Variants in SND1 observed in about 807,000 individuals in gnomAD.
SND1 encodes the protein staphylococcal nuclease and tudor domain containing 1.
Under a neutral mutation model 121.7 loss-of-function variants are expected in SND1, and 38 were observed. That is an observed-to-expected ratio of 0.31 (90% CI 0.24 to 0.41). SND1 has a LOEUF of 0.41. Among genes scored for constraint, SND1 ranks in the 10% least tolerant of loss-of-function variants. SND1 has a pLI of 1.00. For synonymous variants in SND1, 401 were observed against 447.4 expected (o/e 0.90, Z 1.31); for missense variants, 868 against 1,184.6 (o/e 0.73, Z 3.92).
At chr7:127,858,530 C>CAG (rs2116677504) in intron 12 of SND1, 1 of 473,528 alleles carries the variant, frequency 2.1e-6, no homozygotes, top group South Asian at 2.3e-5. Flanking sequence ...TTATGCAGTG[C>CAG]AGATCTAAAG....
chr7:127,732,877 G>T (rs1051254006), intron 10 of SND1, among the ~76,000 whole-genome samples: 1 of 152,212 alleles, frequency 6.6e-6, no homozygotes, highest in Admixed American at 6.5e-5. Context: ...GTATGGCACA[G>T]TGTTCTTCAT....
At position 127,959,908 on chromosome 7, in the gene SND1, TG is replaced by T. The variant is rs371066455; in HGVS notation, c.1669+30580del. 1.1e-3 allele frequency among the ~76,000 whole-genome samples: 160 copies of T among 152,336 alleles called. 2 individuals are homozygous for T. In the Middle Eastern group the frequency reaches 0.02, roughly 19 times the overall value. ...TATTCCCCTATGATATGGAAATCTA[TG>T]TTGTATCAGTTTTCATTTCACTCAT... On this transcript the variant is annotated intron_variant, in intron 15 of 23. Transcript: ENST00000354725.
intron 15 of SND1, among the ~76,000 whole-genome samples, chr7:127,990,279 A>G (rs1802491123): frequency 6.6e-6 from 1 of 152,198 alleles, no homozygotes; most frequent in South Asian, 2.1e-4. Flanking sequence ...CACACAGCTA[A>G]TAAGTGATAG....
At chr7:127,790,845 T>C (rs1797894678) in intron 10 of SND1, among the ~76,000 whole-genome samples, 1 of 152,276 alleles carries the variant, frequency 6.6e-6, no homozygotes, top group South Asian at 2.1e-4. Context: ...ACAAAATATT[T>C]CACACTGCTG....
intron 16 of SND1, chr7:128,028,480 T>G: frequency 8.0e-6 from 4 of 502,376 alleles, no homozygotes; most frequent in Non-Finnish European, 1.0e-5. Flanking sequence ...CCCACCCCCT[T>G]TAAATAGAAC....
At chr7:127,705,902 A>G (rs866085567) in intron 8 of SND1, among the ~76,000 whole-genome samples, 22 of 152,296 alleles carry the variant, frequency 1.4e-4, no homozygotes, top group Middle Eastern at 6.8e-3. Flanking sequence ...GTGAATGAAT[A>G]ACTATAGTAT....
intron 16 of SND1, among the ~76,000 whole-genome samples, chr7:128,041,638 A>G (rs996926008): frequency 6.6e-6 from 1 of 152,184 alleles, no homozygotes; most frequent in African/African-American, 2.4e-5. Context: ...AAAGGATGAG[A>G]ATGTCCCCAG....
Position 127,703,148 on chromosome 7 carries a change from C to T in SND1, c.682-17C>T, listed in dbSNP as rs1328860428. On this transcript the variant is annotated splice_polypyrimidine_tract_variant and intron_variant, in intron 6 of 23. Transcript: ENST00000354725. ...ACATTTAGGCTGCATTACTCACCTA[C>T]CTTGCCTTTGCTTTAGTGCCCAACT... The T allele has an allele frequency of 1.9e-5, 31 of 1,613,992 alleles. No homozygotes were observed. Among genetic ancestry groups the T allele is most frequent in the Non-Finnish European group, 2.6e-5 (31 of 1,179,900 alleles).
intron 16 of SND1, among the ~76,000 whole-genome samples, chr7:128,003,941 G>A (rs1277438563): frequency 1.3e-5 from 2 of 152,042 alleles, no homozygotes; most frequent in East Asian, 1.9e-4. Flanking sequence ...GGCTGCAGAC[G>A]TGGCCATTTC....
At chr7:127,903,515 T>G (rs552836910) in intron 13 of SND1, among the ~76,000 whole-genome samples, 45 of 152,262 alleles carry the variant, frequency 3.0e-4, no homozygotes, top group African/African-American at 8.9e-4. Flanking sequence ...AGGAAAACTT[T>G]TGTTGTTTCT....
At chr7:128,009,434 A>G (rs902731249) in intron 16 of SND1, among the ~76,000 whole-genome samples, 1 of 152,216 alleles carries the variant, frequency 6.6e-6, no homozygotes, top group African/African-American at 2.4e-5. Flanking sequence ...GCAGGCAGCA[A>G]GAGATGGAAA....
chr7:128,043,360 G>A lies in SND1; in HGVS notation c.1780-31142G>A, dbSNP rs567535451. On this transcript the variant is annotated intron_variant, in intron 16 of 23. Coordinates refer to ENST00000354725, the MANE Select transcript of SND1 (RefSeq NM_014390.4). The stretch of plus-strand genomic sequence containing the variant: ...AGGCCAAGGCAGGCAGATCACTTGA[G>A]GTCAGGAGTTCGAGACCAGCTTGGC... Among the ~76,000 whole-genome samples, 9 of 152,192 alleles carry A rather than the reference G, an allele frequency of 5.9e-5. No individual in the cohort carries two copies. In the South Asian group the frequency reaches 1.9e-3, roughly 32 times the overall value.
rs768422359 is a variant in SND1, at chr7:127,671,136, C to T, written c.79-15477C>T. Among the ~76,000 whole-genome samples, 27 of 152,274 alleles carry T rather than the reference C, an allele frequency of 1.8e-4. No individual in the cohort carries two copies. The South Asian group carries it at 2.9e-3, about 16-fold the overall frequency. On this transcript the variant is annotated intron_variant, in intron 1 of 23. Transcript: ENST00000354725. The stretch of plus-strand genomic sequence containing the variant: ...AGGGAGAGACAAAGTTTCAGAACCA[C>T]CAACGAGACCTAGTTCCAGTGATTT...
At chr7:128,021,878 G>A (rs1803355780) in intron 16 of SND1, among the ~76,000 whole-genome samples, 1 of 152,098 alleles carries the variant, frequency 6.6e-6, no homozygotes, top group Non-Finnish European at 1.5e-5. Flanking sequence ...ATAATTAATT[G>A]AAGGGTATTT....
chr7:127,959,226 C>T (rs1343886290), intron 15 of SND1, among the ~76,000 whole-genome samples: 2 of 152,298 alleles, frequency 1.3e-5, no homozygotes, highest in East Asian at 3.9e-4. Context: ...TAGACGTCCG[C>T]TGGCAGTCTT....
At chr7:127,737,516 A>G (rs546841983) in intron 10 of SND1, among the ~76,000 whole-genome samples, 1 of 152,298 alleles carries the variant, frequency 6.6e-6, no homozygotes, top group South Asian at 2.1e-4. Flanking sequence ...CAGAGGTTGC[A>G]GGGAGCCGAG....
intron 16 of SND1, among the ~76,000 whole-genome samples, chr7:128,046,610 C>T (rs142038209): frequency 5.9e-4 from 89 of 151,934 alleles, no homozygotes; most frequent in African/African-American, 1.4e-3. Flanking sequence ...GTGATCTGCC[C>T]GCCTTGACCT....
intron 15 of SND1, among the ~76,000 whole-genome samples, chr7:127,932,926 A>T (rs746226345): frequency 1.3e-5 from 2 of 152,222 alleles, no homozygotes; most frequent in African/African-American, 4.8e-5. Flanking sequence ...GTGGTCTGGA[A>T]CTAAACTTGC....
Position 128,092,482 on chromosome 7 carries a change from T to C in SND1, c.*424T>C, listed in dbSNP as rs1793800606. On this transcript the variant is annotated 3_prime_UTR_variant, in exon 24 of 24. Coordinates refer to ENST00000354725, the MANE Select transcript of SND1 (RefSeq NM_014390.4). This position sits in a 1 kb window ranked among gnomAD's most constrained non-coding sequence, Gnocchi z 4.9. ...CTCTGTCCAACTGTTGATTATGTGA[T>C]TTTTCTGATACGTCCATTCTCAAAT... 5.2e-6 allele frequency: 1 copy of C among 193,176 alleles called. No homozygotes were observed. The highest frequency in any genetic ancestry group is 2.3e-5 in the African/African-American group (1 of 42,840). 12.0% of individuals were successfully genotyped at this position (193,176 alleles called of 1,614,324 possible). A position where few individuals can be genotyped will look rare whatever the true frequency, so the allele number is the denominator to read the frequency against.
Sources: allele counts gnomAD v4.1 joint callset (sites outside exome capture counted in the v4.1 genomes callset), GRCh38; gene constraint gnomAD v4.1.1; non-coding constraint Gnocchi (gnomAD v3.1); transcripts MANE v1.5; gene names NCBI Gene and HGNC (gene_info 2026-07-23, HGNC 2026-07-21).